The following KCNK9 variants were observed in gnomAD, a reference collection of about 807,000 sequenced individuals.
KCNK9 encodes the protein potassium channel subfamily K member 9.
In KCNK9, 1 loss-of-function variant was observed where a neutral mutation model predicts 10.8. The ratio of observed to expected loss-of-function variants is 0.09; its 90% CI spans 0.03 to 0.44. The LOEUF is 0.44. Among genes scored for constraint, KCNK9 ranks in the 20% least tolerant of loss-of-function variants. The pLI is 0.97. For missense variants in KCNK9, 303 were observed against 515.0 expected (o/e 0.59, Z 3.98); for synonymous variants, 231 against 222.7 (o/e 1.04, Z -0.33).
downstream of KCNK9, chr8:139,616,925 A>G (rs1814610401): frequency 6.6e-6 from 1 of 152,192 alleles, no homozygotes; most frequent in Non-Finnish European, 1.5e-5. Flanking sequence ...ACCTCCCCCA[A>G]GAGGATAGCA....
At chr8:139,700,511 C>T (rs200104293) in intron 1 of KCNK9, among the ~76,000 whole-genome samples, 5 of 123,762 alleles carry the variant, frequency 4.0e-5, no homozygotes, top group African/African-American at 1.2e-4. Flanking sequence ...CACACACACG[C>T]GCGCGCGCGC....
intron 1 of KCNK9, among the ~76,000 whole-genome samples, chr8:139,646,099 C>A (rs1299276004): frequency 6.6e-6 from 1 of 152,136 alleles, no homozygotes. Flanking sequence ...GGCTCCTTGC[C>A]CCTCTACTTG....
chr8:139,697,191 AT>A (rs1344840627), intron 1 of KCNK9, among the ~76,000 whole-genome samples: 2 of 30,256 alleles, frequency 6.6e-5, no homozygotes. Flanking sequence ...TGGATGGTGG[AT>A]GGGTGGATGA....
At chr8:139,670,600 T>C (rs1816404178) in intron 1 of KCNK9, among the ~76,000 whole-genome samples, 1 of 152,038 alleles carries the variant, frequency 6.6e-6, no homozygotes. Context: ...GACTTGAACA[T>C]CCATCAATTT....
Position 139,619,106 on chromosome 8 carries a change from G to A in KCNK9, c.284-7C>T, listed in dbSNP as rs1177257655. 1.9e-6 allele frequency: 3 copies of A among 1,613,846 alleles called. No individual in the cohort carries two copies. Among genetic ancestry groups the A allele is most frequent in the Non-Finnish European group, 2.5e-6 (3 of 1,179,998 alleles). Reference sequence around the variant, plus strand: ...GGTGCAGCGTGCCCATAACCTGTGGGAAGGGGATGAGAAGAACAGAGAGAG... The same window carrying A: ...GGTGCAGCGTGCCCATAACCTGTGGAAAGGGGATGAGAAGAACAGAGAGAG... On this transcript the variant is annotated splice_polypyrimidine_tract_variant and splice_region_variant and intron_variant, in intron 1 of 1. Coordinates refer to ENST00000520439, the MANE Select transcript of KCNK9 (RefSeq NM_001282534.2).
chr8:139,615,323 C>T (rs1291128838), downstream of KCNK9, among the ~76,000 whole-genome samples: 3 of 152,164 alleles, frequency 2.0e-5, no homozygotes, highest in Non-Finnish European at 4.4e-5. Flanking sequence ...ACCAAGCTTC[C>T]TCCTGGCTTT....
At chr8:139,663,610 A>G (rs1816219992) in intron 1 of KCNK9, among the ~76,000 whole-genome samples, 1 of 151,052 alleles carries the variant, frequency 6.6e-6, no homozygotes, top group Admixed American at 6.6e-5. Context: ...AAACCCAGGC[A>G]TTCACGTTTT....
intron 1 of KCNK9, among the ~76,000 whole-genome samples, chr8:139,644,192 C>T (rs1586658097): frequency 6.6e-6 from 1 of 152,142 alleles, no homozygotes; most frequent in Non-Finnish European, 1.5e-5. Context: ...AACCAGTGTC[C>T]GCAGCTTGTA....
At chr8:139,648,853 G>A (rs1360430130) in intron 1 of KCNK9, among the ~76,000 whole-genome samples, 2 of 152,198 alleles carry the variant, frequency 1.3e-5, no homozygotes, top group African/African-American at 2.4e-5. Context: ...GCTGGATGGG[G>A]TGTCATTCCC....
At chr8:139,690,435 T>C (rs977809271) in intron 1 of KCNK9, among the ~76,000 whole-genome samples, 1 of 152,194 alleles carries the variant, frequency 6.6e-6, no homozygotes, top group Non-Finnish European at 1.5e-5. Flanking sequence ...CCTGGGGAGC[T>C]CTGGTCAGGA....
At position 139,702,809 on chromosome 8, in the gene KCNK9, G is replaced by A. The variant is rs1365750003; in HGVS notation, c.184C>T (p.Leu62=). 6.2e-7 allele frequency: 1 copy of A among 1,613,956 alleles called. No individual in the cohort carries two copies. Among genetic ancestry groups the A allele is most frequent in the Non-Finnish European group, 8.5e-7 (1 of 1,179,968 alleles). The change falls in exon 1 of 2, where the codon CTG becomes TTG. Residue 62 remains leucine (L), a synonymous_variant. Transcript: ENST00000520439. The surrounding 1 kb of genome is among the most constrained non-coding windows in gnomAD (Gnocchi z 7.5). ...YNISSEDYRQ[L]ELVILQSEPH... is the part of the protein sequence containing the mutation. ...TCCGACTGCAGGATCACCAGCTCCA[G>A]CTGCCGGTAGTCCTCGCTGCTGATG... is the stretch of plus-strand genomic sequence containing the variant.
At chr8:139,626,085 A>C (rs1347859370) in intron 1 of KCNK9, among the ~76,000 whole-genome samples, 1 of 152,106 alleles carries the variant, frequency 6.6e-6, no homozygotes, top group African/African-American at 2.4e-5. Context: ...AATTAAAGAC[A>C]CTCAAAGTAT....
At chr8:139,656,816 G>A (rs1454019397) in intron 1 of KCNK9, among the ~76,000 whole-genome samples, 1 of 152,016 alleles carries the variant, frequency 6.6e-6, no homozygotes, top group Non-Finnish European at 1.5e-5. Context: ...GGGCCTCCCT[G>A]GAGCCACTCT....
At chr8:139,657,452 A>T (rs544627823) in intron 1 of KCNK9, among the ~76,000 whole-genome samples, 1 of 152,218 alleles carries the variant, frequency 6.6e-6, no homozygotes, top group African/African-American at 2.4e-5. Context: ...GCCGGGGAGG[A>T]CCTGTGGCAG....
In KCNK9 at chr8:139,632,190, A is replaced by T. The variant is rs1815194455; in HGVS notation, c.284-13091T>A. ...GGAGGTAGGGGGCTGGGGCCTCTGC[A>T]TTTCTAGCAAGTGCCTCATTGACAC... On this transcript the variant is annotated intron_variant, in intron 1 of 1. Transcript: ENST00000520439. Among the ~76,000 whole-genome samples the T allele has an allele frequency of 2.6e-5, 4 of 152,276 alleles. No individual in the cohort carries two copies. The South Asian group carries it at 8.3e-4, about 32-fold the overall frequency.
intron 1 of KCNK9, among the ~76,000 whole-genome samples, chr8:139,683,190 T>A (rs2129770090): frequency 6.6e-6 from 1 of 152,148 alleles, no homozygotes; most frequent in African/African-American, 2.4e-5. Context: ...CTCAAGGAGA[T>A]AAGAGCAATG....
intron 1 of KCNK9, among the ~76,000 whole-genome samples, chr8:139,687,660 G>A (rs78305318): frequency 1.7e-5 from 1 of 59,332 alleles, no homozygotes; most frequent in African/African-American, 5.2e-5. Flanking sequence ...ATATTCATAT[G>A]TATACATATG....
chr8:139,603,541 G>A (rs1205333478), intron 2 of KCNK9, among the ~76,000 whole-genome samples: 1 of 152,196 alleles, frequency 6.6e-6, no homozygotes, highest in African/African-American at 2.4e-5. Context: ...TCCTTACTTG[G>A]TTGTTAGGGG....
At chr8:139,695,061 C>T (rs1263958134) in intron 1 of KCNK9, among the ~76,000 whole-genome samples, 2 of 152,376 alleles carry the variant, frequency 1.3e-5, no homozygotes, top group African/African-American at 2.4e-5. Context: ...ATTTTTCCAT[C>T]AACCACCCCT....
Sources: gnomAD v4.1 joint callset for allele counts (sites outside exome capture counted in the v4.1 genomes callset) on GRCh38, gnomAD v4.1.1 for gene constraint, Gnocchi (gnomAD v3.1) non-coding constraint, MANE v1.5 for transcripts, NCBI Gene and HGNC (gene_info 2026-07-23, HGNC 2026-07-21) for gene names.